CCDC148: variants seen among roughly 807,000 people sequenced by gnomAD.
The protein encoded by CCDC148 is coiled-coil domain-containing protein 148.
A neutral mutation model predicts 85.7 loss-of-function variants in CCDC148; 89 were observed. The observed-to-expected ratio is 1.04, with a 90% CI of 0.87 to 1.24. CCDC148 has a LOEUF of 1.24. CCDC148 is among the 50% of genes most tolerant of loss of function. The pLI is 0.00. For missense variants in CCDC148, 692 were observed against 671.7 expected, an observed-to-expected ratio of 1.03 and a Z score of -0.33; for synonymous variants, 230 against 213.9, an observed-to-expected ratio of 1.08 and a Z score of -0.66.
intron 9 of CCDC148, among the ~76,000 whole-genome samples, chr2:158,278,978 C>T (rs2105171999): frequency 6.6e-6 from 1 of 152,282 alleles, no homozygotes; most frequent in Non-Finnish European, 1.5e-5. Context: ...CACGAAAAAC[C>T]ACTGTTCTGC....
Position 158,340,291 on chromosome 2 carries a change from T to G in CCDC148, c.437A>C (p.Gln146Pro). The change falls in exon 5 of 14, where the codon CAG becomes CCG. Residue 146 changes from glutamine to proline, a missense_variant. Gln to Pro is a moderately conservative substitution (Grantham distance 76). Coordinates refer to ENST00000283233, the MANE Select transcript of CCDC148 (RefSeq NM_138803.4). ...AAACTCAATATGTGGGTGTGAATGC[T>G]GCAAAGTGTGATGCTGTCTGTATTT... ...DLKYRQHHTL[Q>P]HSHPHIEFNS... 2 of 1,614,002 alleles carry G rather than the reference T, an allele frequency of 1.2e-6. No homozygotes were observed. The highest frequency in any genetic ancestry group is 1.7e-6 in the Non-Finnish European group (2 of 1,179,966).
At chr2:158,299,788 G>A (rs1214253982) in intron 9 of CCDC148, among the ~76,000 whole-genome samples, 1 of 152,174 alleles carries the variant, frequency 6.6e-6, no homozygotes, top group Non-Finnish European at 1.5e-5. Flanking sequence ...CAACAGCAAA[G>A]GAGGCTGAAA....
In CCDC148 at chr2:158,391,876, G is replaced by A. The variant is rs75984141; in HGVS notation, c.26-33306C>T. Among the ~76,000 whole-genome samples, 154 of 152,176 alleles carry A rather than the reference G, an allele frequency of 1.0e-3. 1 individual carries two copies. The East Asian group carries it at 0.025, about 25-fold the overall frequency. ...CAATAAAGGTTCCTTGGTAACAGGGGCACAAGTGGTGGTGTGAGGGGATGA... is the reference window on the plus strand; with the variant it reads ...CAATAAAGGTTCCTTGGTAACAGGGACACAAGTGGTGGTGTGAGGGGATGA... On this transcript the variant is annotated intron_variant, in intron 1 of 13. Transcript: ENST00000283233.
At chr2:158,383,698 G>A (rs374002754) in intron 1 of CCDC148, among the ~76,000 whole-genome samples, 2 of 152,230 alleles carry the variant, frequency 1.3e-5, no homozygotes, top group East Asian at 1.9e-4. Flanking sequence ...GAAAACTGTT[G>A]CCCTGATTTC....
At position 158,435,946 on chromosome 2, in the gene CCDC148, A is replaced by T. The variant is rs539962241; in HGVS notation, c.25+20469T>A. On this transcript the variant is annotated intron_variant, in intron 1 of 13. Transcript: ENST00000283233. The stretch of plus-strand genomic sequence containing the variant: ...AGCTAACTATCCTAAATATATATGC[A>T]CCCAATACAGGAGCACCCAGATTCA... Among the ~76,000 whole-genome samples the T allele has an allele frequency of 3.0e-3, 458 of 152,358 alleles. 1 individual carries two copies. The highest frequency in any genetic ancestry group is 4.0e-3 in the Non-Finnish European group (275 of 68,034).
At chr2:158,364,313 T>C (rs1025926975) in intron 1 of CCDC148, among the ~76,000 whole-genome samples, 2 of 152,190 alleles carry the variant, frequency 1.3e-5, no homozygotes, top group African/African-American at 4.8e-5. Flanking sequence ...AAAACTACTT[T>C]AAACTTTATA....
chr2:158,389,207 A>G (rs532313662), intron 1 of CCDC148, among the ~76,000 whole-genome samples: 18 of 152,340 alleles, frequency 1.2e-4, no homozygotes, highest in Admixed American at 7.2e-4. Context: ...GTGGTCCCCA[A>G]TATGAGAAAC....
At chr2:158,276,916 A>T (rs1477329653) in intron 9 of CCDC148, among the ~76,000 whole-genome samples, 1 of 152,230 alleles carries the variant, frequency 6.6e-6, no homozygotes, top group Admixed American at 6.5e-5. Flanking sequence ...CATGCTAATT[A>T]TCAGCCTACA....
intron 1 of CCDC148, among the ~76,000 whole-genome samples, chr2:158,450,092 A>AC (rs1446855237): frequency 6.6e-6 from 1 of 151,884 alleles, no homozygotes; most frequent in East Asian, 1.9e-4. Context: ...TCCTGATCCA[A>AC]CCCCAGGGAT....
intron 10 of CCDC148, among the ~76,000 whole-genome samples, chr2:158,246,939 C>T (rs2105137754): frequency 6.6e-6 from 1 of 152,262 alleles, no homozygotes; most frequent in Non-Finnish European, 1.5e-5. Context: ...ATGTAAGAGC[C>T]ACCTGTAGAG....
At chr2:158,359,715 T>G (rs1683844733) in intron 1 of CCDC148, among the ~76,000 whole-genome samples, 1 of 152,202 alleles carries the variant, frequency 6.6e-6, no homozygotes, top group African/African-American at 2.4e-5. Flanking sequence ...CTCAAATGCC[T>G]ATGCCACCAG....
chr2:158,213,606 C>A (rs1686691629), intron 11 of CCDC148, among the ~76,000 whole-genome samples: 1 of 152,226 alleles, frequency 6.6e-6, no homozygotes, highest in African/African-American at 2.4e-5. Context: ...GAAGAATGGT[C>A]TAATTTCTGC....
intron 7 of CCDC148, chr2:158,338,501 T>A (rs1682502770): frequency 2.6e-6 from 1 of 377,990 alleles, no homozygotes; most frequent in African/African-American, 2.1e-5. Flanking sequence ...ATAAGAGACA[T>A]TTTCAACATG....
intron 1 of CCDC148, among the ~76,000 whole-genome samples, chr2:158,440,689 T>C (rs529825237): frequency 5.3e-5 from 8 of 152,340 alleles, no homozygotes; most frequent in African/African-American, 1.9e-4. Flanking sequence ...AAATGTGGTC[T>C]CTCTTTCAAA....
At chr2:158,328,163 C>A (rs975888189) in intron 7 of CCDC148, among the ~76,000 whole-genome samples, 5 of 152,100 alleles carry the variant, frequency 3.3e-5, no homozygotes, top group Non-Finnish European at 5.9e-5. Context: ...TATCCCTCCC[C>A]TCCGCCCACC....
chr2:158,249,115 C>A (rs1201741770), intron 10 of CCDC148, among the ~76,000 whole-genome samples: 1 of 152,146 alleles, frequency 6.6e-6, no homozygotes, highest in Non-Finnish European at 1.5e-5. Context: ...GTACCGACTC[C>A]CATTCTCAAT....
chr2:158,242,532 G>T (rs990474218), intron 10 of CCDC148, among the ~76,000 whole-genome samples: 7 of 152,154 alleles, frequency 4.6e-5, no homozygotes, highest in Admixed American at 3.3e-4. Flanking sequence ...CAGGTCTGAG[G>T]GAACGCAAAA....
At chr2:158,394,593 C>A (rs1230725957) in intron 1 of CCDC148, among the ~76,000 whole-genome samples, 1 of 151,814 alleles carries the variant, frequency 6.6e-6, no homozygotes, top group Non-Finnish European at 1.5e-5. Context: ...CTTCCAAATT[C>A]TCATTCTCAC....
chr2:158,315,407 ACAAG>A (rs1227868328), intron 7 of CCDC148, among the ~76,000 whole-genome samples: 2 of 152,212 alleles, frequency 1.3e-5, no homozygotes, highest in African/African-American at 4.8e-5. Flanking sequence ...TTACCATACC[ACAAG>A]CAACAAACAA....
Sources: allele counts gnomAD v4.1 joint callset (sites outside exome capture counted in the v4.1 genomes callset), GRCh38; gene constraint gnomAD v4.1.1; transcripts MANE v1.5; gene names NCBI Gene and HGNC (gene_info 2026-07-23, HGNC 2026-07-21).